Variants in DOCK8 observed in about 807,000 individuals in gnomAD.
The protein encoded by DOCK8 is dedicator of cytokinesis 8, also known as dedicator of cytokinesis protein 8.
In DOCK8, 141 loss-of-function variants were observed where a neutral mutation model predicts 245.6. The ratio of observed to expected loss-of-function variants is 0.57; its 90% CI spans 0.50 to 0.66. DOCK8 has a LOEUF of 0.66. Among genes scored for constraint, DOCK8 ranks in the 30% least tolerant of loss-of-function variants. The pLI, the probability that DOCK8 is intolerant of heterozygous loss-of-function variation, is 0.00. For missense variants in DOCK8, 2,965 were observed against 2,603.4 expected, an observed-to-expected ratio of 1.14 and a Z score of -3.02; for synonymous variants, 1,168 against 970.2, an observed-to-expected ratio of 1.20 and a Z score of -3.79.
At chr9:326,205 C>T (rs1009190793) in intron 8 of DOCK8, among the ~76,000 whole-genome samples, 4 of 152,154 alleles carry the variant, frequency 2.6e-5, no homozygotes, top group South Asian at 4.1e-4. Context: ...CAAGACCTCT[C>T]GTGTGTTTTT....
chr9:400,815 C>A (rs1357966952), intron 26 of DOCK8, among the ~76,000 whole-genome samples: 12 of 98,212 alleles, frequency 1.2e-4, no homozygotes, highest in Admixed American at 2.1e-4. Context: ...ACCATCACCA[C>A]CACCTCCACC....
intron 15 of DOCK8, 191 bp downstream of exon 15, chr9:368,326 C>G (rs2053111744): frequency 2.7e-6 from 2 of 733,302 alleles, no homozygotes; most frequent in South Asian, 2.9e-5. Flanking sequence ...CGATCTCTTT[C>G]TCGGCTTATT....
chr9:389,956 A>G (rs551516707), intron 23 of DOCK8, among the ~76,000 whole-genome samples: 2 of 152,150 alleles, frequency 1.3e-5, no homozygotes, highest in African/African-American at 4.8e-5. Context: ...GAGCCAGGGA[A>G]GTTGCAGTGA....
At chr9:361,255 G>A (rs917284767) in intron 14 of DOCK8, among the ~76,000 whole-genome samples, 4 of 152,090 alleles carry the variant, frequency 2.6e-5, no homozygotes, top group African/African-American at 9.7e-5. Context: ...GAGGCAGAGA[G>A]ACTTACACAA....
At chr9:308,101 ATAGC>A in intron 5 of DOCK8, among the ~76,000 whole-genome samples, 1 of 152,338 alleles carries the variant, frequency 6.6e-6, no homozygotes, top group African/African-American at 2.4e-5. Context: ...TTACAAAATT[ATAGC>A]TAGATAGGAG....
intron 4 of DOCK8, among the ~76,000 whole-genome samples, chr9:296,399 A>G (rs74867631): frequency 0.018 from 2,733 of 152,286 alleles, 87 homozygotes; most frequent in African/African-American, 0.059. Flanking sequence ...TTTACATACT[A>G]TATTTATTCT....
At chr9:350,169 G>T (rs927028074) in intron 14 of DOCK8, among the ~76,000 whole-genome samples, 1 of 152,198 alleles carries the variant, frequency 6.6e-6, no homozygotes, top group African/African-American at 2.4e-5. Context: ...TTGGAGTGCA[G>T]TGGTACGATT....
Position 446,661 on chromosome 9 carries a change from A to G in DOCK8, c.5817+55A>G. 5.3e-6 allele frequency: 8 copies of G among 1,521,444 alleles called. No homozygotes were observed. In the South Asian group the frequency reaches 6.8e-5, roughly 13 times the overall value. 94.2% of individuals were successfully genotyped at this position (1,521,444 alleles called of 1,614,324 possible). On this transcript the variant is annotated intron_variant, in intron 44 of 47. Transcript: ENST00000432829. ...GGATGAGTGGGCTGGGTGGCCTCCC[A>G]GGAGGACCCACAAACCTCTTTCACA...
At chr9:302,097 C>G (rs1435827753) in intron 4 of DOCK8, among the ~76,000 whole-genome samples, 2 of 152,136 alleles carry the variant, frequency 1.3e-5, no homozygotes, top group African/African-American at 4.8e-5. Context: ...TGACTTCATA[C>G]TACACTACAA....
At chr9:374,621 C>A (rs2053446022) in intron 18 of DOCK8, among the ~76,000 whole-genome samples, 1 of 99,640 alleles carries the variant, frequency 1.0e-5, no homozygotes, top group Non-Finnish European at 2.0e-5. Flanking sequence ...ACCACCACGC[C>A]CAGCTAATTT....
chr9:394,118 C>T (rs2054330106), intron 24 of DOCK8, among the ~76,000 whole-genome samples: 1 of 152,202 alleles, frequency 6.6e-6, no homozygotes, highest in Middle Eastern at 3.2e-3. Flanking sequence ...CTACCTGGGC[C>T]TCTCTGTTCT....
chr9:254,220 C>G (rs148372316), intron 1 of DOCK8, among the ~76,000 whole-genome samples: 1 of 152,210 alleles, frequency 6.6e-6, no homozygotes, highest in Non-Finnish European at 1.5e-5. Context: ...CAAGATCTCA[C>G]TGAGATGCAA....
intron 36 of DOCK8, among the ~76,000 whole-genome samples, chr9:431,086 C>A (rs2056693400): frequency 6.6e-6 from 1 of 152,106 alleles, no homozygotes; most frequent in South Asian, 2.1e-4. Flanking sequence ...CATGCCCAGG[C>A]TGGTCTAGAA....
In DOCK8 at chr9:382,567, C is replaced by G; in HGVS notation, c.2660C>G (p.Ser887Ter). ...AGCTACCACACGTATGGCCGCACAT[C>G]AGCTGCTGCTGTGAGTTCAAAGCTG... is the stretch of plus-strand genomic sequence containing the variant. ...PRSYHTYGRT[S>*]AAAVSSKLLQ... Residue 887 changes from serine (S) to a stop codon, truncating the protein, a stop_gained, in exon 22 of 48, where the codon TCA becomes TGA. Coordinates refer to ENST00000432829, the MANE Select transcript of DOCK8 (RefSeq NM_203447.4). LOFTEE classifies it high-confidence loss of function. The G allele has an allele frequency of 1.9e-6, 3 of 1,614,144 alleles. No homozygotes were observed. The highest frequency in any genetic ancestry group is 2.5e-6 in the Non-Finnish European group (3 of 1,180,006).
At position 275,541 on chromosome 9, in the gene DOCK8, A is replaced by G. The variant is rs764325667; in HGVS notation, c.156+3812A>G. ...AAGTTCCCTGGGGACTTTAACTTGA[A>G]GCCCAGGTTGAGAATCATTTAAACA... is the stretch of plus-strand genomic sequence containing the variant. On this transcript the variant is annotated intron_variant, in intron 2 of 47. Coordinates refer to ENST00000432829, the MANE Select transcript of DOCK8 (RefSeq NM_203447.4). Among the ~76,000 whole-genome samples the G allele has an allele frequency of 9.7e-4, 147 of 152,306 alleles. 6 individuals carry two copies. The highest frequency in any genetic ancestry group is 1.7e-3 in the South Asian group (8 of 4,824).
Position 307,329 on chromosome 9 carries a change from GTTTT to G in DOCK8, c.528+2630_528+2633del, listed in dbSNP as rs1210792510. 5.9e-4 allele frequency among the ~76,000 whole-genome samples: 44 copies of G among 75,140 alleles called. 2 individuals carry two copies. The highest frequency in any genetic ancestry group is 4.4e-3 in the Admixed American group (26 of 5,850). 49.3% of individuals were successfully genotyped at this position (75,140 alleles called of 152,430 possible). A position where few individuals can be genotyped will look rare whatever the true frequency, so the allele number is the denominator to read the frequency against. ...AACTCAAGTCACTGTGTTGTGTGTG[GTTTT>G]TTTTGTTTTTTTTTTTTTTTTTTTT... On this transcript the variant is annotated intron_variant, in intron 5 of 47. Coordinates refer to ENST00000432829, the MANE Select transcript of DOCK8 (RefSeq NM_203447.4).
chr9:257,589 G>A (rs1298540974), intron 1 of DOCK8, among the ~76,000 whole-genome samples: 2 of 152,114 alleles, frequency 1.3e-5, no homozygotes, highest in Admixed American at 6.5e-5. Flanking sequence ...GCGCGATCTC[G>A]GCTCACTGCA....
intron 33 of DOCK8, among the ~76,000 whole-genome samples, chr9:425,450 T>C (rs575350759): frequency 6.8e-6 from 1 of 147,948 alleles, no homozygotes; most frequent in African/African-American, 2.5e-5. Flanking sequence ...GAGAATGGCG[T>C]GAACCCGGGA....
chr9:312,527 T>C, intron 6 of DOCK8: 1 of 424,040 alleles, frequency 2.4e-6, no homozygotes, highest in South Asian at 1.8e-5. Flanking sequence ...ACTAATCCAT[T>C]GAGACATACA....
Sources: allele counts gnomAD v4.1 joint callset (sites outside exome capture counted in the v4.1 genomes callset), GRCh38; gene constraint gnomAD v4.1.1; transcripts MANE v1.5; gene names NCBI Gene and HGNC (gene_info 2026-07-23, HGNC 2026-07-21).